FREM1: variants seen among roughly 807,000 people sequenced by gnomAD.
The protein encoded by FREM1 is FRAS1 related extracellular matrix 1, also known as FRAS1-related extracellular matrix protein 1.
In FREM1, 220 loss-of-function variants were observed where a neutral mutation model predicts 210.1. That is an observed-to-expected ratio of 1.05 (90% confidence interval 0.94 to 1.17). The LOEUF (loss-of-function observed/expected upper bound fraction) is 1.17, where lower values mean the gene tolerates loss of function less well. Ranked by LOEUF, FREM1 falls within the 50% of genes most tolerant of loss-of-function variation. The pLI is 0.00. For missense variants in FREM1, 3,454 were observed against 2,675.5 expected, an observed-to-expected ratio of 1.29 and a Z score of -6.42; for synonymous variants, 1,189 against 980.2, an observed-to-expected ratio of 1.21 and a Z score of -3.98.
At chr9:14,903,225 G>A (rs188686855) in intron 1 of FREM1, among the ~76,000 whole-genome samples, 39 of 152,310 alleles carry the variant, frequency 2.6e-4, no homozygotes, top group African/African-American at 9.4e-4. Flanking sequence ...AGAGGCCACA[G>A]TCATTCATGA....
At chr9:14,819,039 C>A (rs1441376534) in intron 14 of FREM1, among the ~76,000 whole-genome samples, 195 bp downstream of exon 14, 1 of 152,054 alleles carries the variant, frequency 6.6e-6, no homozygotes, top group African/African-American at 2.4e-5. Flanking sequence ...TATAGCAAGT[C>A]AGATGGAAAT....
chr9:14,862,682 G>A (rs565842656), intron 3 of FREM1, among the ~76,000 whole-genome samples: 2 of 152,156 alleles, frequency 1.3e-5, no homozygotes, highest in South Asian at 2.1e-4. Flanking sequence ...TCTACTCTCC[G>A]TCTCTGTGAA....
chr9:14,778,445 T>C (rs1464857151), intron 24 of FREM1, among the ~76,000 whole-genome samples: 7 of 146,252 alleles, frequency 4.8e-5, no homozygotes. Context: ...ACCCTTTCTC[T>C]ACAAAAAATA....
intron 36 of FREM1, 144 bp from the exon 37 acceptor site, chr9:14,737,739 A>AAGACAC (rs900801411): frequency 1.7e-6 from 1 of 596,266 alleles, no homozygotes; most frequent in African/African-American, 1.9e-5. Flanking sequence ...GGAATACTCT[A>AAGACAC]AGACACAAAC....
chr9:14,880,530 G>A (rs763554594), intron 1 of FREM1, among the ~76,000 whole-genome samples: 1 of 151,546 alleles, frequency 6.6e-6, no homozygotes, highest in African/African-American at 2.4e-5. Context: ...CTTGAACCCG[G>A]GAGGCAAAGG....
At chr9:14,774,343 G>C (rs931524334) in intron 25 of FREM1, among the ~76,000 whole-genome samples, 5 of 152,148 alleles carry the variant, frequency 3.3e-5, no homozygotes, top group Admixed American at 1.3e-4. Flanking sequence ...TAAGAGAAAA[G>C]ACTGAAGCCC....
chr9:14,762,016 G>C (rs1265865515), intron 27 of FREM1, among the ~76,000 whole-genome samples: 1 of 152,138 alleles, frequency 6.6e-6, no homozygotes, highest in Non-Finnish European at 1.5e-5. Flanking sequence ...AGTGTACATA[G>C]GGTTCAATAC....
At chr9:14,750,014 A>G in intron 30 of FREM1, 113 bp downstream of exon 30, 1 of 1,136,656 alleles carries the variant, frequency 8.8e-7, no homozygotes, top group Non-Finnish European at 1.3e-6. Flanking sequence ...TGCTTTCTTG[A>G]CAAGAAATTA....
chr9:14,887,031 C>G (rs1835942635), intron 1 of FREM1, among the ~76,000 whole-genome samples: 1 of 151,152 alleles, frequency 6.6e-6, no homozygotes, highest in East Asian at 1.9e-4. Context: ...TAAGCATAAA[C>G]TTTTAGGTGA....
intron 1 of FREM1, among the ~76,000 whole-genome samples, chr9:14,872,900 G>T (rs1006772671): frequency 6.6e-6 from 1 of 151,372 alleles, no homozygotes; most frequent in African/African-American, 2.4e-5. Context: ...TTTTGTCAAA[G>T]GCCTTTTCTG....
chr9:14,747,158 T>C, intron 33 of FREM1, 106 bp downstream of exon 33: 7 of 1,580,342 alleles, frequency 4.4e-6, no homozygotes, highest in Non-Finnish European at 6.1e-6. Flanking sequence ...TTGTGTTGGG[T>C]AAACTATCCC....
chr9:14,876,158 A>C lies in FREM1; in HGVS notation c.-267-6914T>G, dbSNP rs7867272. On this transcript the variant is annotated intron_variant, in intron 1 of 36. Coordinates refer to ENST00000380880, the MANE Select transcript of FREM1 (RefSeq NM_001379081.2). ...ACCCACTTGAGGAGGCAGTCTGCCC[A>C]TTCTCAGATCTCCAGCTGCGTGCTG... Among the ~76,000 whole-genome samples the C allele has an allele frequency of 3.4e-3, 518 of 151,660 alleles. 1 individual carries two copies. The highest frequency in any genetic ancestry group is 0.012 in the African/African-American group (485 of 41,006).
chr9:14,868,905 A>AG lies in FREM1; in HGVS notation c.72dup (p.Phe25LeufsTer22). 3 of 1,606,264 alleles carry AG rather than the reference A, an allele frequency of 1.9e-6. No homozygotes were observed. Among genetic ancestry groups the AG allele is most frequent in the Non-Finnish European group, 1.7e-6 (2 of 1,176,738 alleles). On this transcript the variant is annotated frameshift_variant, in exon 2 of 37. Transcript: ENST00000380880. LOFTEE classifies it high-confidence loss of function. ...CTCACCCCGCGGTTGATGCTGATGA[A>AG]GGTGGGGCTGGCCCAGGCCAGGAGG...
chr9:14,794,322 T>A (rs1851952328), intron 21 of FREM1, among the ~76,000 whole-genome samples: 1 of 152,184 alleles, frequency 6.6e-6, no homozygotes, highest in South Asian at 2.1e-4. Flanking sequence ...ACCACATAGA[T>A]GTGATTCAAA....
At chr9:14,909,192 T>A (rs1363767955) in intron 1 of FREM1, among the ~76,000 whole-genome samples, 2 of 151,542 alleles carry the variant, frequency 1.3e-5, no homozygotes, top group East Asian at 3.9e-4. Context: ...TGCAATAGTT[T>A]AAAAAAAAAT....
In FREM1 at chr9:14,845,953, C is replaced by A; in HGVS notation, c.1393+7G>T. On this transcript the variant is annotated splice_region_variant and intron_variant, in intron 8 of 36. Transcript: ENST00000380880. ...TCTTTGCTAGGTTACCAAGTTGGAT[C>A]ATTCACCTCTTAAAGTCAGCCATCC... 1.2e-6 allele frequency: 2 copies of A among 1,613,264 alleles called. No individual in the cohort carries two copies. Among genetic ancestry groups the A allele is most frequent in the Non-Finnish European group, 1.7e-6 (2 of 1,179,482 alleles).
intron 1 of FREM1, among the ~76,000 whole-genome samples, chr9:14,895,070 T>C (rs1276305942): frequency 6.6e-6 from 1 of 152,214 alleles, no homozygotes; most frequent in African/African-American, 2.4e-5. Flanking sequence ...CCAGGTTATC[T>C]TGGGACCTCA....
At chr9:14,760,035 G>C (rs939640563) in intron 27 of FREM1, 134 bp from the exon 28 acceptor site, 3 of 563,022 alleles carry the variant, frequency 5.3e-6, no homozygotes, top group Non-Finnish European at 8.9e-6. Flanking sequence ...AGACTTATTT[G>C]ACACATTTTA....
intron 16 of FREM1, among the ~76,000 whole-genome samples, chr9:14,810,720 T>C (rs1819251779): frequency 6.6e-6 from 1 of 152,198 alleles, no homozygotes; most frequent in Non-Finnish European, 1.5e-5. Context: ...TTTCAGGTGA[T>C]AATCTAAATG....
Sources: gnomAD v4.1 joint callset for allele counts (sites outside exome capture counted in the v4.1 genomes callset) on GRCh38, gnomAD v4.1.1 for gene constraint, MANE v1.5 for transcripts, NCBI Gene and HGNC (gene_info 2026-07-23, HGNC 2026-07-21) for gene names.